The following CAST variants were observed in gnomAD, a reference collection of about 807,000 sequenced individuals.
CAST encodes MIR583 host.
CAST carries 76 observed loss-of-function variants against 119.6 expected under a neutral mutation model. That is an observed-to-expected ratio of 0.64 (90% CI 0.53 to 0.77). CAST has a LOEUF of 0.77. Ranked by LOEUF, CAST falls within the 30% of genes least tolerant of loss-of-function variation. The pLI is 0.00. For synonymous variants in CAST, 319 were observed against 331.6 expected (o/e 0.96, Z 0.41); for missense variants, 953 against 946.5 (o/e 1.01, Z -0.09).
chr5:96,743,787 T>G, intron 16 of CAST: 1 of 1,259,050 alleles, frequency 7.9e-7, no homozygotes, highest in Non-Finnish European at 1.1e-6. Flanking sequence ...TACAACACAA[T>G]GTGAGATATA....
chr5:96,217,204 A>ATTTTTTTTTTTTT, the CAST span, among the ~76,000 whole-genome samples: 839 of 96,894 alleles, frequency 8.7e-3, 35 homozygotes, highest in African/African-American at 0.022. Flanking sequence ...ATGCTAGCTA[A>ATTTTTTTTTTTTT]TTTTTTTTTT....
At chr5:96,617,208 G>T (rs950806732) in intron 1 of CAST, among the ~76,000 whole-genome samples, 2 of 151,804 alleles carry the variant, frequency 1.3e-5, no homozygotes, top group African/African-American at 4.8e-5. Flanking sequence ...TGTAGTAAAA[G>T]CTACAGACTC....
chr5:96,499,018 A>G, the CAST span, among the ~76,000 whole-genome samples: 1 of 149,954 alleles, frequency 6.7e-6, no homozygotes, highest in Non-Finnish European at 1.5e-5. Flanking sequence ...TTTCTAATAA[A>G]CATTGTGCAG....
chr5:96,742,154 G>A (rs1319484550), intron 15 of CAST: 2 of 159,200 alleles, frequency 1.3e-5, no homozygotes, highest in Non-Finnish European at 1.4e-5. Context: ...CTGGGGAACA[G>A]TGGTGAGTAC....
At chr5:96,651,966 A>G (rs776864351) in intron 1 of CAST, among the ~76,000 whole-genome samples, 2 of 152,222 alleles carry the variant, frequency 1.3e-5, no homozygotes, top group Non-Finnish European at 2.9e-5. Flanking sequence ...ACATGTTTTT[A>G]AAAGTAACAG....
At chr5:96,173,489 A>C in the CAST span, among the ~76,000 whole-genome samples, 1 of 152,242 alleles carries the variant, frequency 6.6e-6, no homozygotes, top group African/African-American at 2.4e-5. Flanking sequence ...AGCAAAATAC[A>C]TAATAGAGTA....
intron 1 of CAST, among the ~76,000 whole-genome samples, chr5:96,579,347 C>T (rs569366009): frequency 6.6e-6 from 1 of 152,286 alleles, no homozygotes; most frequent in African/African-American, 2.4e-5. Context: ...GCCAGTTTCT[C>T]CCTCTAGCTT....
chr5:96,146,863 G>T, the CAST span, among the ~76,000 whole-genome samples: 1 of 152,140 alleles, frequency 6.6e-6, no homozygotes, highest in Admixed American at 6.5e-5. Context: ...CTGAGGCAGG[G>T]GAAGAAAAGG....
At chr5:96,171,936 CT>C in the CAST span, among the ~76,000 whole-genome samples, 37 of 152,170 alleles carry the variant, frequency 2.4e-4, no homozygotes, top group South Asian at 2.1e-4. Context: ...CCCCACGCCC[CT>C]GATCCGAGTC....
chr5:96,412,752 G>GTTTTTTTTTTTTTT, the CAST span, among the ~76,000 whole-genome samples: 102 of 71,800 alleles, frequency 1.4e-3, 19 homozygotes, highest in African/African-American at 7.9e-3. Context: ...CAGCTGTGAT[G>GTTTTTTTTTTTTTT]TTTTTTTTTT....
chr5:96,462,738 C>A, the CAST span, among the ~76,000 whole-genome samples: 1 of 152,080 alleles, frequency 6.6e-6, no homozygotes, highest in South Asian at 2.1e-4. Flanking sequence ...GAATTGTAAT[C>A]CCCATGTGTC....
chr5:96,489,890 G>A, the CAST span, among the ~76,000 whole-genome samples: 1 of 152,186 alleles, frequency 6.6e-6, no homozygotes, highest in Non-Finnish European at 1.5e-5. Flanking sequence ...CAATTAATTT[G>A]AGGCTGTGAA....
the CAST span, among the ~76,000 whole-genome samples, chr5:96,241,890 C>A: frequency 3.1e-4 from 45 of 144,366 alleles, no homozygotes; most frequent in Admixed American, 5.6e-4. Flanking sequence ...TCATGTCCTT[C>A]GCCCACTTTT....
At chr5:96,384,420 T>C in the CAST span, among the ~76,000 whole-genome samples, 2 of 152,202 alleles carry the variant, frequency 1.3e-5, no homozygotes, top group African/African-American at 2.4e-5. Flanking sequence ...CTTGACAAAT[T>C]GGAACAATGA....
chr5:96,340,353 C>T, the CAST span, among the ~76,000 whole-genome samples: 1 of 152,036 alleles, frequency 6.6e-6, no homozygotes, highest in Admixed American at 6.6e-5. Context: ...GCCCTCAACC[C>T]CCACTCTCCC....
the CAST span, among the ~76,000 whole-genome samples, chr5:96,086,538 G>A: frequency 1.3e-5 from 2 of 152,162 alleles, no homozygotes; most frequent in East Asian, 1.9e-4. Context: ...AAGTAGGAAA[G>A]CAAAGAGGAA....
chr5:96,091,504 CT>C, the CAST span, among the ~76,000 whole-genome samples: 719 of 98,526 alleles, frequency 7.3e-3, 6 homozygotes, highest in African/African-American at 0.014. Flanking sequence ...CATGCCTGGC[CT>C]TTTTTTTTTT....
the CAST span, among the ~76,000 whole-genome samples, chr5:96,219,405 A>G: frequency 6.6e-6 from 1 of 152,190 alleles, no homozygotes; most frequent in South Asian, 2.1e-4. Flanking sequence ...CCTATGAGAC[A>G]GGCATTATAC....
At chr5:96,305,666 C>T in the CAST span, among the ~76,000 whole-genome samples, 1 of 152,054 alleles carries the variant, frequency 6.6e-6, no homozygotes, top group Admixed American at 6.6e-5. Context: ...GCATAAAAGG[C>T]TGTTGAATTT....
Sources: allele counts gnomAD v4.1 joint callset (sites outside exome capture counted in the v4.1 genomes callset), GRCh38; gene constraint gnomAD v4.1.1; transcripts MANE v1.5; gene names NCBI Gene and HGNC (gene_info 2026-07-23, HGNC 2026-07-21).